Variants in TLN2 observed in about 807,000 individuals in gnomAD.
TLN2 encodes the protein talin 2.
A neutral mutation model predicts 294.7 loss-of-function variants in TLN2; 118 were observed. The ratio of observed to expected loss-of-function variants is 0.40; its 90% confidence interval spans 0.34 to 0.47. The LOEUF is 0.47. Ranked by LOEUF, TLN2 falls within the 20% of genes least tolerant of loss-of-function variation. The pLI is 0.84. For missense variants in TLN2, 3,083 were observed against 3,282.2 expected, an observed-to-expected ratio of 0.94 and a Z score of 1.48; for synonymous variants, 1,431 against 1,304.5, an observed-to-expected ratio of 1.10 and a Z score of -2.09.
intron 48 of TLN2, among the ~76,000 whole-genome samples, chr15:62,799,949 C>T (rs1038026871): frequency 3.3e-5 from 5 of 151,924 alleles, no homozygotes; most frequent in African/African-American, 1.2e-4. Flanking sequence ...CACCTCATAG[C>T]CAGAGAGGCA....
chr15:62,538,529 AT>A (rs1423739268), intron 1 of TLN2, among the ~76,000 whole-genome samples: 1 of 152,252 alleles, frequency 6.6e-6, no homozygotes, highest in Non-Finnish European at 1.5e-5. Context: ...TTTCTGGGAC[AT>A]AGGTACATAT....
intron 3 of TLN2, among the ~76,000 whole-genome samples, chr15:62,639,553 A>G (rs1333090995): frequency 6.6e-6 from 1 of 152,200 alleles, no homozygotes; most frequent in African/African-American, 2.4e-5. Context: ...ATTCTTACAT[A>G]AATGTTCTCT....
intron 1 of TLN2, among the ~76,000 whole-genome samples, chr15:62,491,699 C>T (rs2038735734): frequency 6.6e-6 from 1 of 152,176 alleles, no homozygotes; most frequent in African/African-American, 2.4e-5. Context: ...AAGCAGCTCC[C>T]AGCTTGACTT....
intron 1 of TLN2, among the ~76,000 whole-genome samples, chr15:62,491,821 G>A (rs1595925927): frequency 6.6e-6 from 1 of 152,244 alleles, no homozygotes; most frequent in South Asian, 2.1e-4. Context: ...CTCACTGCTT[G>A]CTTCCTGCTG....
intron 51 of TLN2, among the ~76,000 whole-genome samples, chr15:62,809,471 G>A (rs559073784): frequency 6.6e-6 from 1 of 152,298 alleles, no homozygotes; most frequent in South Asian, 2.1e-4. Context: ...GTCAGGCCCA[G>A]GGGTGAGAGC....
At chr15:62,698,271 C>G (rs917268614) in intron 15 of TLN2, among the ~76,000 whole-genome samples, 3 of 152,190 alleles carry the variant, frequency 2.0e-5, no homozygotes, top group Admixed American at 2.0e-4. Flanking sequence ...CCTCTCAGGC[C>G]GGCCTTGGGA....
intron 7 of TLN2, among the ~76,000 whole-genome samples, chr15:62,655,560 G>A (rs114250319): frequency 2.6e-4 from 39 of 152,198 alleles, no homozygotes; most frequent in African/African-American, 9.2e-4. Context: ...CCACCGGAGA[G>A]GCAGCATATT....
At chr15:62,485,924 C>G (rs935863672) in intron 1 of TLN2, among the ~76,000 whole-genome samples, 1 of 151,918 alleles carries the variant, frequency 6.6e-6, no homozygotes, top group Admixed American at 6.6e-5. Context: ...ATTTAACAGA[C>G]GTTACTGTGG....
intron 41 of TLN2, among the ~76,000 whole-genome samples, chr15:62,766,690 T>C (rs995325256): frequency 1.3e-5 from 2 of 152,228 alleles, no homozygotes; most frequent in African/African-American, 4.8e-5. Context: ...ATTTGGCATT[T>C]ACAGTCATCC....
intron 9 of TLN2, among the ~76,000 whole-genome samples, chr15:62,670,327 G>T (rs1419267917): frequency 1.3e-5 from 2 of 152,188 alleles, no homozygotes; most frequent in Non-Finnish European, 2.9e-5. Flanking sequence ...ACCCACTTTT[G>T]TTCTGGGAGG....
At chr15:62,574,344 G>C (rs892085480) in intron 1 of TLN2, among the ~76,000 whole-genome samples, 1 of 151,784 alleles carries the variant, frequency 6.6e-6, no homozygotes, top group Non-Finnish European at 1.5e-5. Context: ...GGGAGGCTGA[G>C]GTGAGAGGAT....
intron 11 of TLN2, among the ~76,000 whole-genome samples, chr15:62,678,136 G>T (rs1436146559): frequency 1.3e-5 from 2 of 152,020 alleles, no homozygotes; most frequent in African/African-American, 4.8e-5. Context: ...TATTCAAATT[G>T]TTATTAATTT....
At chr15:62,423,452 C>T (rs1595769247) in intron 1 of TLN2, among the ~76,000 whole-genome samples, 1 of 152,192 alleles carries the variant, frequency 6.6e-6, no homozygotes, top group East Asian at 1.9e-4. Flanking sequence ...GTTACCAGCA[C>T]CTATCCCTGT....
intron 5 of TLN2, 56 bp downstream of exon 5, chr15:62,650,237 C>A: frequency 1.3e-6 from 2 of 1,557,910 alleles, no homozygotes; most frequent in South Asian, 2.2e-5. Context: ...GGCCTTCTTC[C>A]ATAGACGCCA....
chr15:62,829,660 T>C (rs558599753), intron 54 of TLN2: 1 of 152,306 alleles, frequency 6.6e-6, no homozygotes, highest in African/African-American at 2.4e-5. Context: ...ACAATCCAAT[T>C]ACACTGTTCT....
Position 62,468,107 on chromosome 15 carries a change from A to ATAAATTTAATTTATTAAATAAATTTT in TLN2, c.-238+77448_-238+77473dup, listed in dbSNP as rs1373020178. On this transcript the variant is annotated intron_variant, in intron 1 of 58. Transcript: ENST00000636159. Reference sequence around the variant, plus strand: ...TTGGAAAGCTGTTGCGAAGGCTTAAATAAATTTAATTTATTAAATAAATTT... The same window carrying ATAAATTTAATTTATTAAATAAATTTT: ...TTGGAAAGCTGTTGCGAAGGCTTAAATAAATTTAATTTATTAAATAAATTTTTAAATTTAATTTATTAAATAAATTT... 1.5e-3 allele frequency among the ~76,000 whole-genome samples: 234 copies of ATAAATTTAATTTATTAAATAAATTTT among 152,114 alleles called. 2 individuals carry two copies. The highest frequency in any genetic ancestry group is 4.6e-3 in the African/African-American group (189 of 41,486).
chr15:62,592,141 C>T (rs1184842067), intron 2 of TLN2, among the ~76,000 whole-genome samples: 1 of 152,126 alleles, frequency 6.6e-6, no homozygotes, highest in African/African-American at 2.4e-5. Flanking sequence ...GAATAAAGGA[C>T]TGAATTATTT....
chr15:62,666,629 AACTG>A (rs1448124585), intron 9 of TLN2, among the ~76,000 whole-genome samples: 11 of 152,224 alleles, frequency 7.2e-5, no homozygotes, highest in Non-Finnish European at 8.8e-5. Context: ...CAGCAACACA[AACTG>A]ACTAACAAGC....
intron 1 of TLN2, among the ~76,000 whole-genome samples, chr15:62,501,409 A>G (rs1300951267): frequency 2.0e-5 from 3 of 152,030 alleles, no homozygotes; most frequent in Admixed American, 6.6e-5. Flanking sequence ...ACCCCCATCA[A>G]TTTCATCCTT....
Sources: gnomAD v4.1 joint callset for allele counts (sites outside exome capture counted in the v4.1 genomes callset) on GRCh38, gnomAD v4.1.1 for gene constraint, MANE v1.5 for transcripts, NCBI Gene and HGNC (gene_info 2026-07-23, HGNC 2026-07-21) for gene names.